GREB1L: variants seen among roughly 807,000 people sequenced by gnomAD.
The protein encoded by GREB1L is GREB1 like retinoic acid receptor coactivator.
GREB1L carries 17 observed loss-of-function variants against 200.8 expected under a neutral mutation model. The ratio of observed to expected loss-of-function variants is 0.08; its 90% confidence interval spans 0.06 to 0.13. The LOEUF (loss-of-function observed/expected upper bound fraction) is 0.13, where lower values mean the gene tolerates loss of function less well. Ranked by LOEUF, GREB1L falls within the 10% of genes least tolerant of loss-of-function variation. The pLI is 1.00. For missense variants in GREB1L, 1,657 were observed against 2,367.7 expected (o/e 0.70, Z 6.23); for synonymous variants, 789 against 893.0 (o/e 0.88, Z 2.08).
Position 21,499,720 on chromosome 18 carries a change from C to T in GREB1L, c.3392-9C>T, listed in dbSNP as rs1234437453. On this transcript the variant is annotated splice_polypyrimidine_tract_variant and intron_variant, in intron 21 of 32. Transcript: ENST00000424526. ...TGCTGTGGGGTGGGTTCTGTCTGTT[C>T]TCTCACAGGTTCCATCATGGAGAAT... 1.3e-6 allele frequency: 2 copies of T among 1,544,032 alleles called. No homozygotes were observed. Among genetic ancestry groups the T allele is most frequent in the Non-Finnish European group, 1.8e-6 (2 of 1,140,510 alleles).
chr18:21,265,416 A>G (rs1215766964), intron 1 of GREB1L, among the ~76,000 whole-genome samples: 2 of 152,230 alleles, frequency 1.3e-5, no homozygotes, highest in East Asian at 3.8e-4. Flanking sequence ...ATGAGCTTGA[A>G]TTCCTATCTG....
intron 8 of GREB1L, 144 bp downstream of exon 8, chr18:21,439,781 G>C: frequency 3.1e-6 from 2 of 639,052 alleles, no homozygotes; most frequent in Non-Finnish European, 5.7e-6. Flanking sequence ...TGTAATTGGT[G>C]TGAACAGTAA....
chr18:21,339,019 T>A lies in GREB1L; in HGVS notation c.-119-27008T>A, dbSNP rs535170110. ...GCCTGGCCAACATGGCAAAACCCCG[T>A]CTCTACTAAAAATACAAAAATTCCT... On this transcript the variant is annotated intron_variant, in intron 1 of 32. Transcript: ENST00000424526. Among the ~76,000 whole-genome samples, 59 of 152,220 alleles carry A rather than the reference T, an allele frequency of 3.9e-4. No homozygotes were observed. The South Asian group carries it at 0.012, about 31-fold the overall frequency.
At chr18:21,478,077 T>A (rs1005682437) in intron 17 of GREB1L, among the ~76,000 whole-genome samples, 1 of 152,218 alleles carries the variant, frequency 6.6e-6, no homozygotes, top group African/African-American at 2.4e-5. Context: ...ATGGCCTTTT[T>A]GTCATGTTTT....
At chr18:21,477,474 C>G (rs2035747257) in intron 17 of GREB1L, 118 bp downstream of exon 17, 1 of 813,592 alleles carries the variant, frequency 1.2e-6, no homozygotes. Context: ...CAAAATCTAA[C>G]GTAATGCTTT....
Position 21,358,035 on chromosome 18 carries a change from G to A in GREB1L, c.-119-7992G>A, listed in dbSNP as rs966073455. Among the ~76,000 whole-genome samples, 6 of 152,110 alleles carry A rather than the reference G, an allele frequency of 3.9e-5. No individual in the cohort carries two copies. In the South Asian group the frequency reaches 1.2e-3, roughly 32 times the overall value. ...TTTTGATAGGAATTGCATTGAATCT[G>A]AAGACTGCTTTGGGTAATATGGGCA... On this transcript the variant is annotated intron_variant, in intron 1 of 32. Coordinates refer to ENST00000424526, the MANE Select transcript of GREB1L (RefSeq NM_001142966.3).
At chr18:21,353,330 G>T (rs2039461511) in intron 1 of GREB1L, among the ~76,000 whole-genome samples, 1 of 152,006 alleles carries the variant, frequency 6.6e-6, no homozygotes, top group East Asian at 1.9e-4. Context: ...CCGAGACAGG[G>T]TATGCAAGGT....
intron 1 of GREB1L, among the ~76,000 whole-genome samples, chr18:21,307,289 C>T (rs902318882): frequency 1.6e-4 from 24 of 152,182 alleles, no homozygotes; most frequent in Admixed American, 9.2e-4. Flanking sequence ...ATCAGTTCCC[C>T]TGGTAGGAAC....
intron 11 of GREB1L, among the ~76,000 whole-genome samples, chr18:21,444,799 G>T (rs2034115815): frequency 6.6e-6 from 1 of 152,200 alleles, no homozygotes. Context: ...CACAGCCATT[G>T]TCTTAAACAA....
chr18:21,445,389 G>T (rs1434674407), intron 11 of GREB1L, among the ~76,000 whole-genome samples: 1 of 152,120 alleles, frequency 6.6e-6, no homozygotes, highest in African/African-American at 2.4e-5. Context: ...CAAAAGAATT[G>T]CTTGAACCCG....
At chr18:21,349,338 A>G (rs2039400429) in intron 1 of GREB1L, among the ~76,000 whole-genome samples, 1 of 151,954 alleles carries the variant, frequency 6.6e-6, no homozygotes, top group Non-Finnish European at 1.5e-5. Context: ...TTACTTTTTA[A>G]ATTTTTTTTC....
intron 1 of GREB1L, among the ~76,000 whole-genome samples, chr18:21,293,562 CTAGG>C (rs1263690063): frequency 1.4e-4 from 21 of 152,118 alleles, no homozygotes; most frequent in African/African-American, 4.8e-4. Context: ...GACCTTCGTG[CTAGG>C]TATTTTGTAT....
At chr18:21,249,737 GTAA>G (rs2037669728) in intron 1 of GREB1L, among the ~76,000 whole-genome samples, 1 of 151,978 alleles carries the variant, frequency 6.6e-6, no homozygotes, top group Non-Finnish European at 1.5e-5. Context: ...GTGTATGCCT[GTAA>G]TCCCAGCTAC....
chr18:21,401,025 A>C (rs1271983401), intron 5 of GREB1L, 125 bp from the exon 6 acceptor site: 18 of 740,246 alleles, frequency 2.4e-5, no homozygotes, highest in Non-Finnish European at 3.9e-5. Context: ...TTTCCCTCTG[A>C]ATTATTTCCT....
intron 2 of GREB1L, among the ~76,000 whole-genome samples, chr18:21,382,466 TGTA>T (rs1329021961): frequency 2.0e-5 from 3 of 151,926 alleles, no homozygotes; most frequent in Non-Finnish European, 4.4e-5. Context: ...CCCAATAAAT[TGTA>T]GTTATTATTG....
intron 1 of GREB1L, among the ~76,000 whole-genome samples, chr18:21,263,008 G>A (rs1236226930): frequency 6.6e-6 from 1 of 152,162 alleles, no homozygotes; most frequent in Non-Finnish European, 1.5e-5. Context: ...TTGAGGTGGG[G>A]AGTATATGTA....
At chr18:21,512,732 A>C (rs1019148811) in intron 27 of GREB1L, among the ~76,000 whole-genome samples, 2 of 151,956 alleles carry the variant, frequency 1.3e-5, no homozygotes, top group East Asian at 3.9e-4. Flanking sequence ...TGTCTTGTTC[A>C]TGATCTCAGT....
At chr18:21,285,552 A>G (rs2038341870) in intron 1 of GREB1L, among the ~76,000 whole-genome samples, 1 of 152,232 alleles carries the variant, frequency 6.6e-6, no homozygotes, top group Non-Finnish European at 1.5e-5. Context: ...TGGAGAGTCC[A>G]TCTAGGTACA....
chr18:21,388,684 A>G (rs1348226283), intron 4 of GREB1L, among the ~76,000 whole-genome samples: 1 of 151,776 alleles, frequency 6.6e-6, no homozygotes, highest in Non-Finnish European at 1.5e-5. Context: ...AGCTGGGACT[A>G]CAGGCTCCCA....
Sources: gnomAD v4.1 joint callset for allele counts (sites outside exome capture counted in the v4.1 genomes callset) on GRCh38, gnomAD v4.1.1 for gene constraint, MANE v1.5 for transcripts, NCBI Gene and HGNC (gene_info 2026-07-23, HGNC 2026-07-21) for gene names.